The following DSCAM variants were observed in gnomAD, a reference collection of about 807,000 sequenced individuals.
DSCAM encodes cell adhesion molecule DSCAM.
In DSCAM, 47 loss-of-function variants were observed where a neutral mutation model predicts 217.7. The observed-to-expected ratio is 0.22, with a 90% confidence interval of 0.17 to 0.28. The LOEUF (loss-of-function observed/expected upper bound fraction) is 0.28, where lower values mean the gene tolerates loss of function less well. Among genes scored for constraint, DSCAM ranks in the 10% least tolerant of loss-of-function variants. The pLI is 1.00. For synonymous variants in DSCAM, 1,056 were observed against 1,015.3 expected (o/e 1.04, Z -0.76); for missense variants, 2,080 against 2,618.3 (o/e 0.79, Z 4.49).
At chr21:40,778,436 G>C (rs2091509237) in intron 1 of DSCAM, among the ~76,000 whole-genome samples, 1 of 152,174 alleles carries the variant, frequency 6.6e-6, no homozygotes, top group African/African-American at 2.4e-5. Flanking sequence ...TTTGAGGTGA[G>C]TGTTCAGAAT....
At chr21:40,141,760 G>A (rs1356433148) in intron 18 of DSCAM, among the ~76,000 whole-genome samples, 1 of 152,136 alleles carries the variant, frequency 6.6e-6, no homozygotes, top group African/African-American at 2.4e-5. Context: ...CAGGCTTCCA[G>A]AGGCCTTTCC....
At chr21:40,259,820 C>T (rs1601493176) in intron 11 of DSCAM, among the ~76,000 whole-genome samples, 1 of 151,496 alleles carries the variant, frequency 6.6e-6, no homozygotes, top group Non-Finnish European at 1.5e-5. Context: ...ACTACAGGTG[C>T]CCGCCACCAC....
At chr21:40,303,906 C>G (rs943988467) in intron 9 of DSCAM, among the ~76,000 whole-genome samples, 1 of 152,182 alleles carries the variant, frequency 6.6e-6, no homozygotes, top group Non-Finnish European at 1.5e-5. Flanking sequence ...AACGGCCCTC[C>G]TTTGGAATCA....
chr21:40,811,405 C>T (rs959901888), intron 1 of DSCAM, among the ~76,000 whole-genome samples: 2 of 152,222 alleles, frequency 1.3e-5, no homozygotes, highest in Admixed American at 6.5e-5. Context: ...ACCTGATAAC[C>T]TACCAAATAC....
At chr21:40,627,806 C>A (rs1224726151) in intron 3 of DSCAM, among the ~76,000 whole-genome samples, 1 of 152,190 alleles carries the variant, frequency 6.6e-6, no homozygotes, top group Non-Finnish European at 1.5e-5. Flanking sequence ...AGAAATCGAA[C>A]CATTATTTGG....
intron 3 of DSCAM, among the ~76,000 whole-genome samples, chr21:40,611,349 G>A (rs1854305635): frequency 6.6e-6 from 1 of 152,054 alleles, no homozygotes; most frequent in African/African-American, 2.4e-5. Flanking sequence ...GAGCCACTGT[G>A]CCCGGCCTAG....
intron 1 of DSCAM, among the ~76,000 whole-genome samples, chr21:40,781,874 C>T (rs112794413): frequency 1.3e-4 from 20 of 151,362 alleles, no homozygotes; most frequent in African/African-American, 4.6e-4. Flanking sequence ...CTTGGCTGGG[C>T]GCGGTGGCTC....
Position 40,620,072 on chromosome 21 carries a change from A to AG in DSCAM, c.508+72737_508+72738insC, listed in dbSNP as rs1197888463. 7.7e-5 allele frequency among the ~76,000 whole-genome samples: 7 copies of AG among 90,814 alleles called. 1 individual carries two copies. Among genetic ancestry groups the AG allele is most frequent in the East Asian group, 8.1e-4 (2 of 2,484 alleles). 59.6% of individuals were successfully genotyped at this position (90,814 alleles called of 152,430 possible). ...AAAAAAGAAAAAGAAAGAAAGAGAG[A>AG]AAGAGAAAAAAGAAAGAGAGAGAAA... On this transcript the variant is annotated intron_variant, in intron 3 of 32. Coordinates refer to ENST00000400454, the MANE Select transcript of DSCAM (RefSeq NM_001389.5).
rs577818363 is a variant in DSCAM, at chr21:40,453,494, C to T, written c.509-84249G>A. Reference sequence around the variant, plus strand: ...AAATGCATGTTTTCCTTTGCATTTGCAAAACATCCCAGAAAGCTTCAATTA... The same window carrying T: ...AAATGCATGTTTTCCTTTGCATTTGTAAAACATCCCAGAAAGCTTCAATTA... On this transcript the variant is annotated intron_variant, in intron 3 of 32. Coordinates refer to ENST00000400454, the MANE Select transcript of DSCAM (RefSeq NM_001389.5). Among the ~76,000 whole-genome samples the T allele has an allele frequency of 1.8e-4, 27 of 152,302 alleles. No homozygotes were observed. The East Asian group carries it at 4.6e-3, about 26-fold the overall frequency.
intron 3 of DSCAM, among the ~76,000 whole-genome samples, chr21:40,489,879 A>G (rs933010861): frequency 6.6e-6 from 1 of 152,114 alleles, no homozygotes; most frequent in Non-Finnish European, 1.5e-5. Context: ...GGAAATAAAA[A>G]TCAAAGATAT....
intron 24 of DSCAM, among the ~76,000 whole-genome samples, chr21:40,083,622 T>C (rs912355881): frequency 9.8e-5 from 15 of 152,376 alleles, no homozygotes; most frequent in African/African-American, 2.9e-4. Context: ...AAACAGTGTT[T>C]AGAATCTCAA....
chr21:40,413,062 T>C (rs996402311), intron 3 of DSCAM, among the ~76,000 whole-genome samples: 2 of 152,220 alleles, frequency 1.3e-5, no homozygotes, highest in Non-Finnish European at 2.9e-5. Context: ...AAGTCAAGAA[T>C]TGAGATTTGG....
At chr21:40,636,819 T>C (rs1369671908) in intron 3 of DSCAM, among the ~76,000 whole-genome samples, 1 of 149,716 alleles carries the variant, frequency 6.7e-6, no homozygotes, top group Non-Finnish European at 1.5e-5. Context: ...CTTGAGGATA[T>C]GCTCCCTCAA....
chr21:40,589,817 T>A (rs1456382272), intron 3 of DSCAM, among the ~76,000 whole-genome samples: 1 of 152,204 alleles, frequency 6.6e-6, no homozygotes, highest in African/African-American at 2.4e-5. Context: ...ACAAACTATT[T>A]GAGAATATTA....
At chr21:40,498,715 G>GTA (rs201435587) in intron 3 of DSCAM, among the ~76,000 whole-genome samples, 2,914 of 15,738 alleles carry the variant, frequency 0.19, 649 homozygotes, top group East Asian at 0.38. Context: ...ATATATGGGT[G>GTA]TATATATATA....
chr21:40,565,486 T>C lies in DSCAM; in HGVS notation c.508+127324A>G, dbSNP rs1355922255. Among the ~76,000 whole-genome samples the C allele has an allele frequency of 2.6e-5, 4 of 152,196 alleles. No individual in the cohort carries two copies. In the East Asian group the frequency reaches 5.8e-4, roughly 22 times the overall value. The stretch of plus-strand genomic sequence containing the variant: ...GAGAAGCCTCATGCCACTGATGTCA[T>C]AGAAATAGGTCACACATAAGGAACA... On this transcript the variant is annotated intron_variant, in intron 3 of 32. Transcript: ENST00000400454.
Position 40,606,252 on chromosome 21 carries a change from C to T in DSCAM, c.508+86558G>A, listed in dbSNP as rs143547914. 1.7e-4 allele frequency among the ~76,000 whole-genome samples: 26 copies of T among 152,258 alleles called. No homozygotes were observed. In the East Asian group the frequency reaches 4.4e-3, roughly 26 times the overall value. On this transcript the variant is annotated intron_variant, in intron 3 of 32. Coordinates refer to ENST00000400454, the MANE Select transcript of DSCAM (RefSeq NM_001389.5). ...ACACAATTGGCAGCTGGTACTCTGT[C>T]TCAGTGTTGGTGTTGGGGCCACGAG... is the stretch of plus-strand genomic sequence containing the variant.
chr21:40,266,445 T>C (rs2123344267), intron 11 of DSCAM, among the ~76,000 whole-genome samples: 1 of 150,834 alleles, frequency 6.6e-6, no homozygotes, highest in Non-Finnish European at 1.5e-5. Flanking sequence ...AGTATGGAGG[T>C]TTCTCAAATA....
At chr21:40,728,656 G>T (rs1203315635) in intron 1 of DSCAM, among the ~76,000 whole-genome samples, 3 of 152,136 alleles carry the variant, frequency 2.0e-5, no homozygotes, top group Admixed American at 1.3e-4. Context: ...CTGACCTCAG[G>T]TGATCCACCT....
Sources: allele counts gnomAD v4.1 joint callset (sites outside exome capture counted in the v4.1 genomes callset), GRCh38; gene constraint gnomAD v4.1.1; transcripts MANE v1.5; gene names NCBI Gene and HGNC (gene_info 2026-07-23, HGNC 2026-07-21).